ANK2: variants seen among roughly 807,000 people sequenced by gnomAD.
ANK2 encodes the protein ankyrin-2.
In ANK2, 83 loss-of-function variants were observed where a neutral mutation model predicts 360.5. That is an observed-to-expected ratio of 0.23 (90% confidence interval 0.19 to 0.28). The LOEUF is 0.28. Ranked by LOEUF, ANK2 falls within the 10% of genes least tolerant of loss-of-function variation. ANK2 has a pLI of 1.00. For missense variants in ANK2, 4,201 were observed against 4,795.7 expected, an observed-to-expected ratio of 0.88 and a Z score of 3.66; for synonymous variants, 1,740 against 1,759.5, an observed-to-expected ratio of 0.99 and a Z score of 0.28.
chr4:113,323,764 C>T (rs2087895577), intron 26 of ANK2: 1 of 1,611,696 alleles, frequency 6.2e-7, no homozygotes, highest in Non-Finnish European at 8.5e-7. Context: ...TGCAGCCGCG[C>T]CTCTCCATGT....
intron 2 of ANK2, among the ~76,000 whole-genome samples, chr4:112,947,256 G>T (rs1354614257): frequency 1.3e-5 from 2 of 152,170 alleles, no homozygotes; most frequent in African/African-American, 2.4e-5. Context: ...CTCATTAAGA[G>T]ATGACTTATG....
In ANK2 at chr4:113,278,542, C is replaced by T; in HGVS notation, c.1865C>T (p.Pro622Leu). Residue 622 changes from proline (P) to leucine (L), a missense_variant, in exon 17 of 46, where the codon CCT (proline) becomes CTT (leucine). Coordinates refer to ENST00000357077, the MANE Select transcript of ANK2 (RefSeq NM_001148.6). ...ALLLLEKGAS[P>L]HATAKNGYTP... is the part of the protein sequence containing the mutation. The stretch of plus-strand genomic sequence containing the variant: ...CTGTTACTGGAGAAGGGTGCTTCCC[C>T]TCATGCCACTGCCAAGGTGAGGACC... 6.2e-7 allele frequency: 1 copy of T among 1,613,918 alleles called. No individual in the cohort carries two copies. The highest frequency in any genetic ancestry group is 8.5e-7 in the Non-Finnish European group (1 of 1,179,904).
At chr4:113,227,509 G>A (rs2099239086) in intron 4 of ANK2, among the ~76,000 whole-genome samples, 1 of 152,156 alleles carries the variant, frequency 6.6e-6, no homozygotes, top group African/African-American at 2.4e-5. Flanking sequence ...AAAAAAATGT[G>A]CTCTTAAAAA....
chr4:113,008,229 C>G (rs2053575430), intron 2 of ANK2, among the ~76,000 whole-genome samples: 1 of 151,202 alleles, frequency 6.6e-6, no homozygotes, highest in Non-Finnish European at 1.5e-5. Context: ...TTATATAAAG[C>G]TTTGTGTGCT....
chr4:113,315,637 G>T (rs939418756), intron 24 of ANK2, among the ~76,000 whole-genome samples: 1 of 152,108 alleles, frequency 6.6e-6, no homozygotes, highest in Non-Finnish European at 1.5e-5. Context: ...AGTGGCTCAC[G>T]CCTGTAATCC....
chr4:113,117,885 G>A (rs1219669541), intron 1 of ANK2, among the ~76,000 whole-genome samples: 1 of 152,068 alleles, frequency 6.6e-6, no homozygotes, highest in Non-Finnish European at 1.5e-5. Context: ...AAGATTTTAT[G>A]TGCTCTCTTT....
At chr4:113,104,622 C>T (rs1034945410) in intron 1 of ANK2, among the ~76,000 whole-genome samples, 1 of 151,950 alleles carries the variant, frequency 6.6e-6, no homozygotes, top group African/African-American at 2.4e-5. Context: ...GGCTGAGGCA[C>T]GAGAATCGCT....
chr4:113,327,948 T>G (rs372801565), intron 26 of ANK2, among the ~76,000 whole-genome samples: 41 of 152,312 alleles, frequency 2.7e-4, no homozygotes, highest in African/African-American at 9.9e-4. Flanking sequence ...GCAAGTAATC[T>G]AACCTGTAGT....
chr4:113,086,663 G>A (rs901826861), intron 1 of ANK2, among the ~76,000 whole-genome samples: 4 of 152,178 alleles, frequency 2.6e-5, no homozygotes, highest in African/African-American at 7.2e-5. Context: ...AAAAAACCAC[G>A]AAGAAAACTG....
At chr4:113,093,519 TA>T (rs2089584201) in intron 1 of ANK2, among the ~76,000 whole-genome samples, 1 of 152,110 alleles carries the variant, frequency 6.6e-6, no homozygotes, top group South Asian at 2.1e-4. Flanking sequence ...TTGGTATTTT[TA>T]GTAGAGACAG....
In ANK2 at chr4:113,338,543, C is replaced by CTTTTTTT. The variant is rs71582166; in HGVS notation, c.3797-665_3797-659dup. On this transcript the variant is annotated intron_variant, in intron 31 of 45. Transcript: ENST00000357077. ...AACAAAAGAATATTTAGATTGTTCACTTTTTTTTTTTTTTTTTTTTTTTTG... is the reference window on the plus strand; with the variant it reads ...AACAAAAGAATATTTAGATTGTTCACTTTTTTTTTTTTTTTTTTTTTTTTTTTTTTTG... Among the ~76,000 whole-genome samples the CTTTTTTT allele has an allele frequency of 3.2e-4, 31 of 96,106 alleles. 2 individuals carry two copies. Among genetic ancestry groups the CTTTTTTT allele is most frequent in the African/African-American group, 1.1e-3 (23 of 20,878 alleles). The allele number at this position is 96,106 out of a possible 152,430, so 63.0% of individuals were successfully genotyped here.
chr4:113,344,548 A>T (rs1296894183), intron 34 of ANK2, among the ~76,000 whole-genome samples: 1 of 152,190 alleles, frequency 6.6e-6, no homozygotes, highest in Non-Finnish European at 1.5e-5. Context: ...CTCGATGTAC[A>T]CCCACAAGAA....
chr4:112,911,620 T>C (rs993113837), intron 2 of ANK2, among the ~76,000 whole-genome samples: 3 of 152,184 alleles, frequency 2.0e-5, no homozygotes, highest in Admixed American at 6.5e-5. Context: ...CACACCTGGC[T>C]GCCATTATCA....
At chr4:113,289,540 G>A (rs770026446) in intron 20 of ANK2, among the ~76,000 whole-genome samples, 1 of 151,942 alleles carries the variant, frequency 6.6e-6, no homozygotes, top group Non-Finnish European at 1.5e-5. Context: ...CTATTTGAAT[G>A]GGCTCAAGTA....
At chr4:113,335,164 C>G (rs1009446451) in intron 29 of ANK2, among the ~76,000 whole-genome samples, 2 of 152,030 alleles carry the variant, frequency 1.3e-5, no homozygotes, top group African/African-American at 4.8e-5. Context: ...TACACTAATG[C>G]AATTTATAAA....
At chr4:112,771,671 C>T in the ANK2 span, among the ~76,000 whole-genome samples, 2 of 151,856 alleles carry the variant, frequency 1.3e-5, no homozygotes, top group Non-Finnish European at 2.9e-5. Flanking sequence ...CTGCAAGCTC[C>T]GCCTCCCGAG....
intron 41 of ANK2, among the ~76,000 whole-genome samples, chr4:113,365,493 G>A (rs972302940): frequency 1.3e-5 from 2 of 151,950 alleles, no homozygotes; most frequent in African/African-American, 4.8e-5. Context: ...CCTTAGCCAC[G>A]TATTTCTAGG....
the ANK2 span, among the ~76,000 whole-genome samples, chr4:112,796,560 G>C: frequency 6.6e-6 from 1 of 151,362 alleles, no homozygotes; most frequent in African/African-American, 2.4e-5. Context: ...ATGTTGTTCA[G>C]GCTGGTCTCG....
chr4:113,171,839 T>C (rs1295538595), intron 1 of ANK2, among the ~76,000 whole-genome samples: 1 of 152,194 alleles, frequency 6.6e-6, no homozygotes, highest in Non-Finnish European at 1.5e-5. Flanking sequence ...GATTCAAAGA[T>C]GGTCTATTAT....
Sources: allele counts gnomAD v4.1 joint callset (sites outside exome capture counted in the v4.1 genomes callset), GRCh38; gene constraint gnomAD v4.1.1; transcripts MANE v1.5; gene names NCBI Gene and HGNC (gene_info 2026-07-23, HGNC 2026-07-21).